The following PPIC variants were observed in gnomAD, a reference collection of about 807,000 sequenced individuals.
The protein encoded by PPIC is peptidyl-prolyl cis-trans isomerase C.
In PPIC, 19 loss-of-function variants were observed where a neutral mutation model predicts 19.5. The ratio of observed to expected loss-of-function variants is 0.98; its 90% CI spans 0.68 to 1.43. The LOEUF (loss-of-function observed/expected upper bound fraction) is 1.43, where lower values mean the gene tolerates loss of function less well. Ranked by LOEUF, PPIC falls within the 40% of genes most tolerant of loss-of-function variation. The pLI is 0.00. For synonymous variants in PPIC, 107 were observed against 101.2 expected (o/e 1.06, Z -0.34); for missense variants, 268 against 268.6 (o/e 1.00, Z 0.02).
rs1416232360 is a variant in PPIC at position 123,029,531 on chromosome 5, A to G, written c.118-113T>C. The G allele has an allele frequency of 2.1e-6, 3 of 1,424,134 alleles. No individual in the cohort carries two copies. The Admixed American group carries it at 9.0e-5, about 43-fold the overall frequency. The allele number at this position is 1,424,134 out of a possible 1,614,324, so 88.2% of individuals were successfully genotyped here. A position where few individuals can be genotyped will look rare whatever the true frequency, so the allele number is the denominator to read the frequency against. On this transcript the variant is annotated intron_variant, in intron 1 of 4. Transcript: ENST00000306442. ...CCCACATACAAAAGCCCTGCCCATC[A>G]GTATTTTGTAAAGGAGCATGACATC... is the stretch of plus-strand genomic sequence containing the variant.
chr5:123,026,687 C>T (rs552427724), intron 3 of PPIC, among the ~76,000 whole-genome samples: 1 of 152,306 alleles, frequency 6.6e-6, no homozygotes, highest in South Asian at 2.1e-4. Context: ...CAATTGGGAG[C>T]ACCCAGTGGT....
rs747531352 is a variant in PPIC, at chr5:123,025,811, C to G, written c.483G>C (p.Val161=). 6.2e-7 allele frequency: 1 copy of G among 1,613,284 alleles called. No homozygotes were observed. Among genetic ancestry groups the G allele is most frequent in the South Asian group, 1.1e-5 (1 of 90,816 alleles). ...TKPTWLDGKH[V]VFGKVIDGMT... is the part of the protein sequence containing the mutation. ...TCCCATCAATGACTTTTCCAAACAC[C>G]ACATGTTTGCCGTCCAACCAGGTGG... The change falls in exon 4 of 5, where the codon GTG becomes GTC. Residue 161 remains valine, a synonymous_variant. Transcript: ENST00000306442.
intron 1 of PPIC, among the ~76,000 whole-genome samples, chr5:123,034,811 C>A (rs999980183): frequency 6.6e-6 from 1 of 152,118 alleles, no homozygotes; most frequent in Non-Finnish European, 1.5e-5. Context: ...CCTTCCCTTG[C>A]TCCCCATTTC....
Position 123,036,468 on chromosome 5 carries a change from G to C in PPIC, c.117+41C>G, listed in dbSNP as rs527777645. 36 of 1,557,810 alleles carry C rather than the reference G, an allele frequency of 2.3e-5. 1 individual carries two copies. The African/African-American group carries it at 4.3e-4, about 19-fold the overall frequency. ...GTATCCAAAGCGCCCCCAGGGCCCC[G>C]CCCGCAACAGGGGAAGTTGCAGCCC... On this transcript the variant is annotated intron_variant, in intron 1 of 4. Coordinates refer to ENST00000306442, the MANE Select transcript of PPIC (RefSeq NM_000943.5). This position sits in a 1 kb window ranked among gnomAD's most constrained non-coding sequence, Gnocchi z 4.5.
Position 123,025,963 on chromosome 5 carries a change from T to C in PPIC, c.331A>G (p.Ser111Gly). The C allele has an allele frequency of 6.3e-7, 1 of 1,590,626 alleles. No homozygotes were observed. The highest frequency in any genetic ancestry group is 8.5e-7 in the Non-Finnish European group (1 of 1,171,432). Residue 111 changes from serine to glycine, a missense_variant, in exon 4 of 5, where the codon AGC (serine) becomes GGC (glycine). Transcript: ENST00000306442. ...TCTGGAAATGTCTCACCATAGATGC[T>C]CACACCTGAGACAAAACAAGGAAGA... ...ITTGDGTGGV[S>G]IYGETFPDEN...
intron 1 of PPIC, among the ~76,000 whole-genome samples, chr5:123,031,050 C>T (rs1299094596): frequency 6.6e-6 from 1 of 152,174 alleles, no homozygotes; most frequent in East Asian, 1.9e-4. Flanking sequence ...TTTTTACACA[C>T]AGCCTAGCAC....
chr5:123,031,363 G>C, intron 1 of PPIC, among the ~76,000 whole-genome samples: 1 of 152,196 alleles, frequency 6.6e-6, no homozygotes, highest in Non-Finnish European at 1.5e-5. Context: ...CAGGAACGGT[G>C]AGGCTAAGGA....
chr5:123,035,759 T>A (rs184377024), intron 1 of PPIC, among the ~76,000 whole-genome samples: 128 of 152,244 alleles, frequency 8.4e-4, no homozygotes, highest in African/African-American at 2.9e-3. Context: ...CTTGGTTAAA[T>A]ACGCTGAAAA....
intron 3 of PPIC, among the ~76,000 whole-genome samples, chr5:123,026,491 G>A (rs963253911): frequency 5.3e-5 from 8 of 152,292 alleles, no homozygotes; most frequent in Non-Finnish European, 8.8e-5. Flanking sequence ...GGTATTCTCC[G>A]TCCTATTTTA....
intron 3 of PPIC, among the ~76,000 whole-genome samples, chr5:123,028,336 G>A (rs995140910): frequency 2.6e-5 from 4 of 152,162 alleles, no homozygotes; most frequent in Admixed American, 6.5e-5. Flanking sequence ...AGGAAAGTGC[G>A]CTGTGACCCT....
intron 3 of PPIC, among the ~76,000 whole-genome samples, chr5:123,026,423 A>T (rs1762854387): frequency 6.6e-6 from 1 of 152,200 alleles, no homozygotes; most frequent in Non-Finnish European, 1.5e-5. Context: ...CCCAACCAGG[A>T]TGCACCAAGC....
intron 3 of PPIC, among the ~76,000 whole-genome samples, chr5:123,027,503 G>A (rs34753686): frequency 0.027 from 4,099 of 152,266 alleles, 75 homozygotes; most frequent in Non-Finnish European, 0.037. Flanking sequence ...GGGCACCAGC[G>A]CTGCAGGGTT....
chr5:123,025,170 T>C (rs1380120935), intron 4 of PPIC, among the ~76,000 whole-genome samples: 1 of 152,220 alleles, frequency 6.6e-6, no homozygotes, highest in Non-Finnish European at 1.5e-5. Flanking sequence ...ATACATAACA[T>C]AAAATGTGCC....
intron 1 of PPIC, among the ~76,000 whole-genome samples, chr5:123,034,626 C>G (rs1762981169): frequency 6.6e-6 from 1 of 152,220 alleles, no homozygotes; most frequent in African/African-American, 2.4e-5. Context: ...GAAACCTGTT[C>G]CCAAATATTG....
At chr5:123,025,013 A>G (rs1453289113) in intron 4 of PPIC, among the ~76,000 whole-genome samples, 1 of 152,216 alleles carries the variant, frequency 6.6e-6, no homozygotes, top group East Asian at 1.9e-4. Flanking sequence ...TTGAGACCCA[A>G]CAGTATAGAT....
At position 123,036,079 on chromosome 5, in the gene PPIC, G is replaced by C. The variant is rs1478096596; in HGVS notation, c.117+430C>G. On this transcript the variant is annotated intron_variant, in intron 1 of 4. Transcript: ENST00000306442. The surrounding 1 kb of genome is among the most constrained non-coding windows in gnomAD (Gnocchi z 4.5). ...CAGCGGGCGGGCGGCTGCAAGCCCT[G>C]GGCTCCGAGCGCCTCTCCTGTGCGG... 6.6e-6 allele frequency among the ~76,000 whole-genome samples: 1 copy of C among 152,118 alleles called. No individual in the cohort carries two copies. The highest frequency in any genetic ancestry group is 2.4e-5 in the African/African-American group (1 of 41,436).
chr5:123,033,935 G>A (rs1037601514), intron 1 of PPIC, among the ~76,000 whole-genome samples: 9 of 152,214 alleles, frequency 5.9e-5, no homozygotes, highest in African/African-American at 2.2e-4. Context: ...CTGTGGATTT[G>A]GAGCCCAATG....
intron 1 of PPIC, among the ~76,000 whole-genome samples, chr5:123,029,671 A>G (rs549011082): frequency 2.3e-4 from 35 of 152,286 alleles, no homozygotes; most frequent in African/African-American, 7.9e-4. Flanking sequence ...TATTGAGTTT[A>G]AAGGCTGACT....
At chr5:123,035,928 T>C (rs981260409) in intron 1 of PPIC, among the ~76,000 whole-genome samples, 163 of 151,542 alleles carry the variant, frequency 1.1e-3, no homozygotes, top group Admixed American at 1.3e-3. Context: ...CCCGCCGAAG[T>C]TGAAGGCGCA....
Sources: gnomAD v4.1 joint callset for allele counts (sites outside exome capture counted in the v4.1 genomes callset) on GRCh38, gnomAD v4.1.1 for gene constraint, Gnocchi (gnomAD v3.1) non-coding constraint, MANE v1.5 for transcripts, NCBI Gene and HGNC (gene_info 2026-07-23, HGNC 2026-07-21) for gene names.